TNRC6B: variants seen among roughly 807,000 people sequenced by gnomAD.
TNRC6B encodes trinucleotide repeat-containing gene 6B protein.
A neutral mutation model predicts 203.6 loss-of-function variants in TNRC6B; 52 were observed. The ratio of observed to expected loss-of-function variants is 0.26; its 90% CI spans 0.20 to 0.32. The LOEUF is 0.32. Among genes scored for constraint, TNRC6B ranks in the 10% least tolerant of loss-of-function variants. TNRC6B has a pLI of 1.00. For missense variants in TNRC6B, 1,923 were observed against 2,286.2 expected, an observed-to-expected ratio of 0.84 and a Z score of 3.24; for synonymous variants, 838 against 845.7, an observed-to-expected ratio of 0.99 and a Z score of 0.16.
intron 1 of TNRC6B, among the ~76,000 whole-genome samples, chr22:40,079,024 A>G (rs2068043854): frequency 6.6e-6 from 1 of 151,956 alleles, no homozygotes; most frequent in Non-Finnish European, 1.5e-5. Flanking sequence ...CAGTGAGCCA[A>G]GATCACACCA....
At chr22:40,262,746 T>C (rs2070406298) in intron 4 of TNRC6B, among the ~76,000 whole-genome samples, 1 of 152,108 alleles carries the variant, frequency 6.6e-6, no homozygotes, top group African/African-American at 2.4e-5. Flanking sequence ...ACTAGAAGTT[T>C]TGAGAGTTTT....
intron 3 of TNRC6B, among the ~76,000 whole-genome samples, chr22:40,132,943 C>CAAAAATAAAAAATT (rs1292227314): frequency 4.2e-5 from 1 of 23,878 alleles, no homozygotes; most frequent in African/African-American, 2.6e-4. Flanking sequence ...GACTCTGTCT[C>CAAAAATAAAAAATT]AAAAAAAAAA....
chr22:40,058,384 A>G (rs1375331418), intron 1 of TNRC6B, among the ~76,000 whole-genome samples: 2 of 151,406 alleles, frequency 1.3e-5, no homozygotes, highest in East Asian at 1.9e-4. Flanking sequence ...CTGTCCTCCA[A>G]AACTTGTGAC....
At chr22:40,184,436 G>T (rs2069175491) in intron 1 of TNRC6B, among the ~76,000 whole-genome samples, 1 of 152,160 alleles carries the variant, frequency 6.6e-6, no homozygotes, top group African/African-American at 2.4e-5. Flanking sequence ...CTTAAGGGAA[G>T]AAATAATCTG....
intron 3 of TNRC6B, among the ~76,000 whole-genome samples, chr22:40,146,421 G>A (rs1446878749): frequency 2.6e-5 from 4 of 151,862 alleles, no homozygotes; most frequent in African/African-American, 7.3e-5. Context: ...TTGAGACGGA[G>A]TTTCTCTCTT....
chr22:40,299,587 G>A lies in TNRC6B; in HGVS notation c.3709-868G>A, dbSNP rs1402998154. On this transcript the variant is annotated intron_variant, in intron 12 of 22. Transcript: ENST00000454349. Reference sequence around the variant, plus strand: ...TATTTTTTTAAAGAGATGATAGCTCGCTATGTTGCCCAGGTGTTCTCAATC... The same window carrying A: ...TATTTTTTTAAAGAGATGATAGCTCACTATGTTGCCCAGGTGTTCTCAATC... Among the ~76,000 whole-genome samples, 6 of 151,992 alleles carry A rather than the reference G, an allele frequency of 3.9e-5. No homozygotes were observed. In the South Asian group the frequency reaches 8.3e-4, roughly 21 times the overall value.
intron 3 of TNRC6B, among the ~76,000 whole-genome samples, chr22:40,149,781 A>T (rs1182320701): frequency 8.2e-6 from 1 of 122,270 alleles, no homozygotes; most frequent in African/African-American, 3.7e-5. Flanking sequence ...ATGTGTATGT[A>T]TGTGTCAAAA....
chr22:40,143,344 G>A (rs1462451667), intron 3 of TNRC6B, among the ~76,000 whole-genome samples: 1 of 152,038 alleles, frequency 6.6e-6, no homozygotes, highest in Non-Finnish European at 1.5e-5. Flanking sequence ...AAGGTGGAAG[G>A]ATCACTTAAG....
At position 40,331,691 on chromosome 22, in the gene TNRC6B, GTGGTCATC is replaced by G. The variant is rs1222778421; in HGVS notation, c.*8451_*8458del. Reference sequence around the variant, plus strand: ...TTTTTCAAAAAAAAAAGTCCCACATGTGGTCATCGTCGCTTCTTTATGTTGTAAGGTGA... The same window carrying G: ...TTTTTCAAAAAAAAAAGTCCCACATGGTCGCTTCTTTATGTTGTAAGGTGA... On this transcript the variant is annotated 3_prime_UTR_variant, in exon 23 of 23. Coordinates refer to ENST00000454349, the MANE Select transcript of TNRC6B (RefSeq NM_001162501.2). 7 of 228,152 alleles carry G rather than the reference GTGGTCATC, an allele frequency of 3.1e-5. No individual in the cohort carries two copies. Among genetic ancestry groups the G allele is most frequent in the African/African-American group, 2.0e-4 (7 of 35,362 alleles). The allele number at this position is 228,152 out of a possible 1,614,324, so 14.1% of individuals were successfully genotyped here.
chr22:40,162,012 G>A (rs8141549), intron 4 of TNRC6B, among the ~76,000 whole-genome samples: 103,246 of 152,102 alleles, frequency 0.68, 36,792 homozygotes, highest in African/African-American at 0.9. Context: ...AAATGCAGAC[G>A]GGCTTTTGAT....
chr22:40,115,686 A>T (rs1011547116), intron 1 of TNRC6B, among the ~76,000 whole-genome samples: 1 of 152,204 alleles, frequency 6.6e-6, no homozygotes, highest in Admixed American at 6.5e-5. Context: ...CACTTTGTCC[A>T]ACCAGGGAGG....
intron 1 of TNRC6B, among the ~76,000 whole-genome samples, chr22:40,100,558 A>T (rs1285732190): frequency 1.3e-5 from 2 of 152,232 alleles, no homozygotes; most frequent in East Asian, 1.9e-4. Context: ...AAAAAAAAAA[A>T]TTTATAGACA....
intron 17 of TNRC6B, 38 bp from the exon 18 acceptor site, chr22:40,312,467 C>A: frequency 6.4e-7 from 1 of 1,566,208 alleles, no homozygotes; most frequent in Non-Finnish European, 8.6e-7. Flanking sequence ...TTTTTTTTAA[C>A]GACCTTCCTT....
chr22:40,229,518 C>T (rs1008289720), intron 1 of TNRC6B, among the ~76,000 whole-genome samples: 3 of 151,362 alleles, frequency 2.0e-5, no homozygotes, highest in Middle Eastern at 3.2e-3. Flanking sequence ...ATTTACAATG[C>T]GGTAAGTTTC....
intron 1 of TNRC6B, among the ~76,000 whole-genome samples, chr22:40,057,658 A>C (rs77793377): frequency 0.044 from 6,687 of 152,180 alleles, 442 homozygotes; most frequent in African/African-American, 0.14. Flanking sequence ...AGCCTCAAAA[A>C]CTGGAAGTGG....
chr22:40,203,700 C>A (rs563166280), intron 1 of TNRC6B, among the ~76,000 whole-genome samples: 142 of 150,762 alleles, frequency 9.4e-4, no homozygotes, highest in African/African-American at 3.4e-3. Context: ...TGTGGTGAGG[C>A]CTTCTGCTTC....
chr22:40,195,463 C>CT (rs559770815), intron 1 of TNRC6B, among the ~76,000 whole-genome samples: 173 of 152,136 alleles, frequency 1.1e-3, no homozygotes, highest in African/African-American at 4.0e-3. Flanking sequence ...GTCGTCTTCT[C>CT]TTTTTTTTAA....
intron 1 of TNRC6B, among the ~76,000 whole-genome samples, chr22:40,240,975 G>A (rs1366826862): frequency 6.6e-6 from 1 of 152,176 alleles, no homozygotes; most frequent in Non-Finnish European, 1.5e-5. Flanking sequence ...ATGTTTTCAA[G>A]TGTAGGTATA....
chr22:40,191,991 T>A (rs2069280885), intron 1 of TNRC6B, among the ~76,000 whole-genome samples: 1 of 152,210 alleles, frequency 6.6e-6, no homozygotes, highest in Non-Finnish European at 1.5e-5. Flanking sequence ...CCTCAAGTGA[T>A]CCACCTGCCT....
Sources: allele counts gnomAD v4.1 joint callset (sites outside exome capture counted in the v4.1 genomes callset), GRCh38; gene constraint gnomAD v4.1.1; transcripts MANE v1.5; gene names NCBI Gene and HGNC (gene_info 2026-07-23, HGNC 2026-07-21).